Variants in TC2N observed in about 807,000 individuals in gnomAD.
TC2N encodes the protein tandem C2 domains nuclear protein.
In TC2N, 51 loss-of-function variants were observed where a neutral mutation model predicts 61.9. That is an observed-to-expected ratio of 0.82 (90% CI 0.66 to 1.04). The LOEUF (loss-of-function observed/expected upper bound fraction) is 1.04. Ranked by LOEUF, TC2N falls within the 50% of genes least tolerant of loss-of-function variation. TC2N has a pLI of 0.00. For synonymous variants in TC2N, 204 were observed against 192.6 expected, an observed-to-expected ratio of 1.06 and a Z score of -0.49; for missense variants, 556 against 566.7, an observed-to-expected ratio of 0.98 and a Z score of 0.19.
At chr14:91,800,627 T>G (rs1000717253) in intron 4 of TC2N, among the ~76,000 whole-genome samples, 1 of 152,110 alleles carries the variant, frequency 6.6e-6, no homozygotes, top group African/African-American at 2.4e-5. Context: ...CAGGGAAAAT[T>G]ACTTTTTTCT....
intron 4 of TC2N, 96 bp from the exon 5 acceptor site, chr14:91,800,468 T>A: frequency 1.7e-6 from 1 of 597,150 alleles, no homozygotes. Context: ...ACATCATGAA[T>A]ATTTTGTGCA....
chr14:91,804,664 C>T (rs1721421500), intron 3 of TC2N, among the ~76,000 whole-genome samples: 1 of 151,996 alleles, frequency 6.6e-6, no homozygotes, highest in South Asian at 2.1e-4. Flanking sequence ...CAAAAGAATA[C>T]AGACTGAATA....
intron 1 of TC2N, among the ~76,000 whole-genome samples, chr14:91,829,954 G>A (rs1367069011): frequency 1.3e-5 from 2 of 152,056 alleles, no homozygotes; most frequent in South Asian, 2.1e-4. Context: ...ATTAAGAAGC[G>A]CTCAATGCCA....
At chr14:91,785,865 T>G (rs1053913918) in intron 10 of TC2N, among the ~76,000 whole-genome samples, 2 of 152,090 alleles carry the variant, frequency 1.3e-5, no homozygotes. Context: ...ACAACTATTA[T>G]AAACTTTGGA....
At chr14:91,813,982 T>C (rs1033237566) in intron 1 of TC2N, among the ~76,000 whole-genome samples, 157 bp from the exon 2 acceptor site, 1 of 151,700 alleles carries the variant, frequency 6.6e-6, no homozygotes, top group Admixed American at 6.6e-5. Flanking sequence ...TATGAAATTC[T>C]GTATAACTTA....
intron 1 of TC2N, among the ~76,000 whole-genome samples, chr14:91,828,728 G>C (rs1887613754): frequency 6.6e-6 from 1 of 151,908 alleles, no homozygotes; most frequent in African/African-American, 2.4e-5. Flanking sequence ...CATTCCCATG[G>C]TGTCATTCAG....
At chr14:91,805,953 C>T (rs1373569380) in intron 3 of TC2N, among the ~76,000 whole-genome samples, 2 of 152,104 alleles carry the variant, frequency 1.3e-5, no homozygotes, top group Non-Finnish European at 2.9e-5. Context: ...ATTGTAGCTC[C>T]TATAATTCTC....
chr14:91,843,736 A>G (rs185792448), intron 1 of TC2N, among the ~76,000 whole-genome samples: 2 of 152,362 alleles, frequency 1.3e-5, no homozygotes, highest in Admixed American at 1.3e-4. Flanking sequence ...AAGATAATTC[A>G]TGAATAAATG....
chr14:91,795,067 T>C (rs894429412), intron 8 of TC2N, among the ~76,000 whole-genome samples: 1 of 152,120 alleles, frequency 6.6e-6, no homozygotes, highest in Non-Finnish European at 1.5e-5. Flanking sequence ...TAATTGCAGA[T>C]GTGGTGGAAA....
At chr14:91,859,540 G>A (rs543534749) in intron 1 of TC2N, among the ~76,000 whole-genome samples, 2 of 152,262 alleles carry the variant, frequency 1.3e-5, no homozygotes, top group South Asian at 4.1e-4. Flanking sequence ...CCTACTATGG[G>A]CCAGGCACTG....
rs148609061 is a variant in TC2N at position 91,792,452 on chromosome 14, A to G, written c.962T>C (p.Ile321Thr). 3.2e-4 allele frequency: 509 copies of G among 1,611,516 alleles called. 3 individuals are homozygous for G. The highest frequency in any genetic ancestry group is 1.2e-3 in the Admixed American group (73 of 60,006). Reference sequence around the variant, plus strand: ...TCTGAGTGACATTGAGCATTCTCCAATGGTTTTCTTCCTGGGAGTCTGGGT... The same window carrying G: ...TCTGAGTGACATTGAGCATTCTCCAGTGGTTTTCTTCCTGGGAGTCTGGGT... Reference protein sequence around the residue: ...IQTQTPRKKTIGECSMSLRTL... With the variant: ...IQTQTPRKKTTGECSMSLRTL... Residue 321 changes from isoleucine to threonine, a missense_variant, in exon 9 of 12, where the codon ATT becomes ACT. Ile to Thr is a moderately conservative substitution (Grantham distance 89, BLOSUM62 -1). Coordinates refer to ENST00000435962, the MANE Select transcript of TC2N (RefSeq NM_001128596.3).
chr14:91,818,969 AT>A (rs1887127419), intron 1 of TC2N, among the ~76,000 whole-genome samples: 1 of 152,128 alleles, frequency 6.6e-6, no homozygotes, highest in African/African-American at 2.4e-5. Context: ...ATTTGAAGAA[AT>A]AATGGCCAAA....
In TC2N at chr14:91,808,170, G is replaced by A. The variant is rs563977897; in HGVS notation, c.301+4142C>T. Among the ~76,000 whole-genome samples the A allele has an allele frequency of 7.2e-5, 11 of 152,238 alleles. No individual in the cohort carries two copies. In the South Asian group the frequency reaches 1.0e-3, roughly 14 times the overall value. On this transcript the variant is annotated intron_variant, in intron 3 of 11. Coordinates refer to ENST00000435962, the MANE Select transcript of TC2N (RefSeq NM_001128596.3). ...TCTCAGGTATGTATTCATCAGCAGCGTGAGAACAGACTAATACAAGGTGTA... is the reference window on the plus strand; with the variant it reads ...TCTCAGGTATGTATTCATCAGCAGCATGAGAACAGACTAATACAAGGTGTA...
chr14:91,863,641 G>A (rs1186412154), intron 1 of TC2N, among the ~76,000 whole-genome samples: 1 of 152,058 alleles, frequency 6.6e-6, no homozygotes, highest in East Asian at 1.9e-4. Flanking sequence ...AGAATGTGGG[G>A]TCTGGCCTGT....
At chr14:91,792,267 C>T (rs1019153301) in intron 9 of TC2N, 100 bp downstream of exon 9, 2 of 605,888 alleles carry the variant, frequency 3.3e-6, no homozygotes, top group African/African-American at 3.7e-5. Flanking sequence ...CCTTCCAGAT[C>T]CTCTAATATT....
At chr14:91,832,741 G>A (rs577784226) in intron 1 of TC2N, among the ~76,000 whole-genome samples, 19 of 152,024 alleles carry the variant, frequency 1.2e-4, no homozygotes, top group South Asian at 6.2e-4. Context: ...AGAGACATGA[G>A]TTAGAAGGGT....
At chr14:91,793,302 T>C (rs1264809842) in intron 8 of TC2N, among the ~76,000 whole-genome samples, 3 of 152,226 alleles carry the variant, frequency 2.0e-5, no homozygotes, top group Non-Finnish European at 4.4e-5. Context: ...CTTCCTTCTT[T>C]CCATCTTTAA....
chr14:91,828,327 C>A (rs1235649205), intron 1 of TC2N, among the ~76,000 whole-genome samples: 2 of 151,984 alleles, frequency 1.3e-5, no homozygotes, highest in East Asian at 1.9e-4. Context: ...CCTCCCACTT[C>A]CAGAAATTTT....
At chr14:91,853,194 C>G (rs1002490435) in intron 1 of TC2N, among the ~76,000 whole-genome samples, 3 of 152,172 alleles carry the variant, frequency 2.0e-5, no homozygotes, top group Admixed American at 1.3e-4. Flanking sequence ...ATGACATGAA[C>G]TGATTTCACC....
Sources: gnomAD v4.1 joint callset for allele counts (sites outside exome capture counted in the v4.1 genomes callset) on GRCh38, gnomAD v4.1.1 for gene constraint, MANE v1.5 for transcripts, NCBI Gene and HGNC (gene_info 2026-07-23, HGNC 2026-07-21) for gene names.